IGF2R: variants seen among roughly 807,000 people sequenced by gnomAD.
The protein encoded by IGF2R is cation-independent mannose-6-phosphate receptor.
In IGF2R, 91 loss-of-function variants were observed where a neutral mutation model predicts 270.6. That is an observed-to-expected ratio of 0.34 (90% CI 0.28 to 0.40). IGF2R has a LOEUF of 0.40. Among genes scored for constraint, IGF2R ranks in the 10% least tolerant of loss-of-function variants. The pLI is 1.00. For synonymous variants in IGF2R, 1,316 were observed against 1,258.9 expected (o/e 1.05, Z -0.96); for missense variants, 2,805 against 3,188.3 (o/e 0.88, Z 2.90).
chr6:160,072,611 G>A (rs545271471), intron 32 of IGF2R, among the ~76,000 whole-genome samples, 154 bp from the exon 33 acceptor site: 2 of 152,346 alleles, frequency 1.3e-5, no homozygotes, highest in East Asian at 3.9e-4. Context: ...TCATGATACA[G>A]CCTGGCTGTT....
Position 159,969,232 on chromosome 6 carries a change from T to G in IGF2R, c.-15T>G, listed in dbSNP as rs1290243082. 1 of 997,408 alleles carries G rather than the reference T, an allele frequency of 1.0e-6. No homozygotes were observed. The highest frequency in any genetic ancestry group is 1.1e-4 in the East Asian group (1 of 9,226). 61.8% of individuals were successfully genotyped at this position (997,408 alleles called of 1,614,324 possible). The stretch of plus-strand genomic sequence containing the variant: ...CGTTAGCCTCGCGCCCGCCGCGCAG[T>G]CCGGGCCCGGCGCGATGGGGGCCGC... On this transcript the variant is annotated 5_prime_UTR_variant, in exon 1 of 48. Coordinates refer to ENST00000356956, the MANE Select transcript of IGF2R (RefSeq NM_000876.4).
At chr6:159,986,426 GTGT>G (rs1271373113) in intron 1 of IGF2R, among the ~76,000 whole-genome samples, 1 of 111,952 alleles carries the variant, frequency 8.9e-6, no homozygotes, top group African/African-American at 3.2e-5. Flanking sequence ...GTGTGTGTGT[GTGT>G]GTTTTTTTTT....
intron 15 of IGF2R, 48 bp from the exon 16 acceptor site, chr6:160,047,110 TG>T: frequency 6.4e-7 from 1 of 1,571,118 alleles, no homozygotes; most frequent in Non-Finnish European, 8.8e-7. Context: ...AGCCTTGGAG[TG>T]CTTCTGCCCC....
In IGF2R at chr6:159,978,196, A is replaced by G. The variant is rs1783723429; in HGVS notation, c.149+8801A>G. 1.3e-5 allele frequency among the ~76,000 whole-genome samples: 2 copies of G among 152,148 alleles called. 1 individual carries two copies. The highest frequency in any genetic ancestry group is 4.1e-4 in the South Asian group (2 of 4,828). On this transcript the variant is annotated intron_variant, in intron 1 of 47. Coordinates refer to ENST00000356956, the MANE Select transcript of IGF2R (RefSeq NM_000876.4). ...TTCCTCATGAGAAAGAAAGGTTTCC[A>G]CTGTTTAAAAAAGTTTCAAAGCCAC...
At chr6:160,009,548 A>G (rs1336591081) in intron 3 of IGF2R, among the ~76,000 whole-genome samples, 6 of 152,156 alleles carry the variant, frequency 3.9e-5, no homozygotes, top group Non-Finnish European at 8.8e-5. Context: ...ACCCACATCT[A>G]TTTAGGAGAA....
intron 20 of IGF2R, among the ~76,000 whole-genome samples, chr6:160,057,596 G>A (rs946137342): frequency 1.3e-5 from 2 of 152,218 alleles, no homozygotes; most frequent in African/African-American, 4.8e-5. Context: ...ATATGGAGAG[G>A]AGAGGATATC....
chr6:160,073,083 G>A, intron 33 of IGF2R, 130 bp from the exon 34 acceptor site: 8 of 1,406,860 alleles, frequency 5.7e-6, no homozygotes, highest in Non-Finnish European at 7.8e-6. Context: ...AATGGTTAAA[G>A]CCGGATTGGA....
rs927638325 is a variant in IGF2R at position 160,105,064 on chromosome 6, G to A, written c.7456G>A (p.Glu2486Lys). 1.9e-6 allele frequency: 3 copies of A among 1,595,178 alleles called. No individual in the cohort carries two copies. The highest frequency in any genetic ancestry group is 2.7e-5 in the African/African-American group (2 of 74,600). ...KLVSFHDDSD[E>K]DLLHI ...GGTGTCCTTCCATGACGACAGCGAC[G>A]AGGACCTCTTACACATCTGACTCCG... is the stretch of plus-strand genomic sequence containing the variant. Residue 2486 changes from glutamate (E) to lysine (K), a missense_variant, in exon 48 of 48, where the codon GAG becomes AAG. By Grantham distance (56) the Glu-to-Lys change is moderately conservative. This residue lies in a region of IGF2R where 1,851 missense variants were observed against 2,207.2 expected (regional missense o/e 0.84). Transcript: ENST00000356956.
intron 39 of IGF2R, among the ~76,000 whole-genome samples, chr6:160,082,217 T>A (rs1265652517): frequency 6.6e-6 from 1 of 152,256 alleles, no homozygotes; most frequent in Non-Finnish European, 1.5e-5. Flanking sequence ...TGCTATAGCT[T>A]TGTTTTGAGG....
Position 160,085,124 on chromosome 6 carries a change from T to C in IGF2R, c.6198T>C (p.Gly2066=). ...GACTCGTTCACACGCAGAAGCTGGG[T>C]GTCATAGGTAAGGCCTGTGGGTCCT... The part of the protein sequence containing the change: ...VLGLVHTQKL[G]VIGDKVVVTY... The change falls in exon 41 of 48, where the codon GGT becomes GGC. Residue 2066 remains glycine, a synonymous_variant. Coordinates refer to ENST00000356956, the MANE Select transcript of IGF2R (RefSeq NM_000876.4). 1 of 1,613,160 alleles carries C rather than the reference T, an allele frequency of 6.2e-7. No individual in the cohort carries two copies. The highest frequency in any genetic ancestry group is 8.5e-7 in the Non-Finnish European group (1 of 1,179,776).
Position 160,106,126 on chromosome 6 carries a change from A to C in IGF2R, c.*1042A>C, listed in dbSNP as rs1232445000. 2.0e-5 allele frequency: 3 copies of C among 152,586 alleles called. No individual in the cohort carries two copies. The highest frequency in any genetic ancestry group is 4.4e-5 in the Non-Finnish European group (3 of 68,054). The allele number at this position is 152,586 out of a possible 1,614,324, so 9.5% of individuals were successfully genotyped here. A position where few individuals can be genotyped will look rare whatever the true frequency, so the allele number is the denominator to read the frequency against. On this transcript the variant is annotated 3_prime_UTR_variant, in exon 48 of 48. Transcript: ENST00000356956. ...GTGACTTACAGAAACTGCATGAAAA[A>C]TCATGGGCCAGAGCCTCGGCCCTAG...
chr6:160,084,547 C>G lies in IGF2R; in HGVS notation c.6068+363C>G, dbSNP rs969801169. Among the ~76,000 whole-genome samples, 2 of 152,148 alleles carry G rather than the reference C, an allele frequency of 1.3e-5. No individual in the cohort carries two copies. Among genetic ancestry groups the G allele is most frequent in the African/African-American group, 4.8e-5 (2 of 41,438 alleles). On this transcript the variant is annotated intron_variant, in intron 40 of 47. Coordinates refer to ENST00000356956, the MANE Select transcript of IGF2R (RefSeq NM_000876.4). This position sits in a 1 kb window ranked among gnomAD's most constrained non-coding sequence, Gnocchi z 4.6. The stretch of plus-strand genomic sequence containing the variant: ...GCAGGAGCTCCTTAGGCTTTGCTGG[C>G]TGGGGTCAGCCCATGGTCCTGACCA...
intron 12 of IGF2R, 82 bp from the exon 13 acceptor site, chr6:160,044,431 TC>T: frequency 4.3e-6 from 5 of 1,169,008 alleles, no homozygotes; most frequent in Non-Finnish European, 6.1e-6. Context: ...TCTCTTTCTT[TC>T]TTTTTTTTTT....
intron 4 of IGF2R, among the ~76,000 whole-genome samples, chr6:160,019,532 G>A (rs1026327881): frequency 6.6e-6 from 1 of 152,034 alleles, no homozygotes; most frequent in Non-Finnish European, 1.5e-5. Context: ...AAAACTAGAG[G>A]CCAATATCTA....
intron 4 of IGF2R, among the ~76,000 whole-genome samples, chr6:160,022,020 A>C (rs1177421787): frequency 5.3e-5 from 8 of 151,596 alleles, no homozygotes; most frequent in African/African-American, 1.5e-4. Context: ...AAGAACACAC[A>C]CACACACACA....
At chr6:160,034,921 C>A (rs753164308) in intron 10 of IGF2R, among the ~76,000 whole-genome samples, 14 of 152,090 alleles carry the variant, frequency 9.2e-5, no homozygotes, top group Non-Finnish European at 1.9e-4. Context: ...TCAAGATAAT[C>A]CTTTTTGCAA....
intron 1 of IGF2R, among the ~76,000 whole-genome samples, chr6:159,982,752 A>G (rs1783825243): frequency 1.3e-5 from 2 of 152,350 alleles, no homozygotes; most frequent in East Asian, 1.9e-4. Context: ...GTTTGGATAT[A>G]TGGCAATAAA....
chr6:160,051,078 A>C (rs1778186004), intron 19 of IGF2R, among the ~76,000 whole-genome samples: 1 of 152,206 alleles, frequency 6.6e-6, no homozygotes, highest in African/African-American at 2.4e-5. Context: ...CAACAGGAGA[A>C]AAGACATTAA....
At position 160,107,751 on chromosome 6, in the gene IGF2R, G is replaced by A. The variant is rs1471598758; in HGVS notation, c.*2667G>A. On this transcript the variant is annotated 3_prime_UTR_variant, in exon 48 of 48. Transcript: ENST00000356956. ...AACATTTTAAGAGCATCTGAAGCCT[G>A]TACTTCACCAACCCTAAAATAATAC... 6.6e-6 allele frequency: 1 copy of A among 152,176 alleles called. No homozygotes were observed. The highest frequency in any genetic ancestry group is 1.5e-5 in the Non-Finnish European group (1 of 68,030). The allele number at this position is 152,176 out of a possible 1,614,324, so 9.4% of individuals were successfully genotyped here.
Sources: allele counts gnomAD v4.1 joint callset (sites outside exome capture counted in the v4.1 genomes callset), GRCh38; gene constraint gnomAD v4.1.1; regional missense constraint gnomAD v4.1.1; non-coding constraint Gnocchi (gnomAD v3.1); transcripts MANE v1.5; gene names NCBI Gene and HGNC (gene_info 2026-07-23, HGNC 2026-07-21).